FAM227A: variants seen among roughly 807,000 people sequenced by gnomAD.
The protein encoded by FAM227A is protein FAM227A.
FAM227A carries 80 observed loss-of-function variants against 74.7 expected under a neutral mutation model. That is an observed-to-expected ratio of 1.07 (90% CI 0.89 to 1.29). The LOEUF is 1.29. Among genes scored for constraint, FAM227A ranks in the 50% most tolerant of loss-of-function variants. The pLI, the probability that FAM227A is intolerant of heterozygous loss-of-function variation, is 0.00. For missense variants in FAM227A, 654 were observed against 683.4 expected (o/e 0.96, Z 0.48); for synonymous variants, 237 against 241.8 (o/e 0.98, Z 0.19).
chr22:38,629,069 C>T, intron 6 of FAM227A, 134 bp from the exon 7 acceptor site: 1 of 605,832 alleles, frequency 1.7e-6, no homozygotes, highest in African/African-American at 1.9e-5. Flanking sequence ...ATTTTACATA[C>T]TCTCATTTAA....
intron 10 of FAM227A, among the ~76,000 whole-genome samples, chr22:38,622,213 C>G (rs918860921): frequency 2.6e-5 from 4 of 152,242 alleles, no homozygotes; most frequent in Non-Finnish European, 5.9e-5. Flanking sequence ...CTGTTCTTCT[C>G]AACACACTGC....
intron 12 of FAM227A, 45 bp downstream of exon 12, chr22:38,607,344 A>C: frequency 7.0e-7 from 1 of 1,423,788 alleles, no homozygotes; most frequent in African/African-American, 1.4e-5. Flanking sequence ...TGGAGACAAT[A>C]ACTAAGCCAA....
rs1249995866 is a variant in FAM227A at position 38,585,984 on chromosome 22, G to A, written c.*141C>T. On this transcript the variant is annotated 3_prime_UTR_variant, in exon 17 of 17. Transcript: ENST00000535113. ...CACTCAGCCTAGGAAAAACTACAAC[G>A]GAATCCTTCCCCTATGGAGAAATCA... The A allele has an allele frequency of 9.2e-6, 14 of 1,516,182 alleles. No homozygotes were observed. Among genetic ancestry groups the A allele is most frequent in the East Asian group, 2.5e-5 (1 of 40,530 alleles). 93.9% of individuals were successfully genotyped at this position (1,516,182 alleles called of 1,614,324 possible).
chr22:38,629,296 A>G (rs890969226), intron 6 of FAM227A, among the ~76,000 whole-genome samples: 2 of 152,234 alleles, frequency 1.3e-5, no homozygotes. Flanking sequence ...CCACTGAACT[A>G]TAAGATTCTG....
In FAM227A at chr22:38,616,970, C is replaced by T. The variant is rs891359859; in HGVS notation, c.1038+3242G>A. On this transcript the variant is annotated intron_variant, in intron 11 of 16. Coordinates refer to ENST00000535113, the MANE Select transcript of FAM227A (RefSeq NM_001013647.2). ...AGGCTGTCTTGGTGGTGGGAAGGCA[C>T]GGGCCTTCCTGCTGACTGCTTGTGA... 9.2e-5 allele frequency among the ~76,000 whole-genome samples: 14 copies of T among 151,896 alleles called. No individual in the cohort carries two copies. The South Asian group carries it at 1.0e-3, about 11-fold the overall frequency.
At chr22:38,604,676 C>T (rs987807184) in intron 13 of FAM227A, among the ~76,000 whole-genome samples, 17 of 151,988 alleles carry the variant, frequency 1.1e-4, no homozygotes, top group Admixed American at 2.6e-4. Context: ...TTTTTTGAGA[C>T]GGAGTCAGAC....
intron 11 of FAM227A, among the ~76,000 whole-genome samples, chr22:38,616,271 G>A (rs2091573683): frequency 6.6e-6 from 1 of 152,234 alleles, no homozygotes; most frequent in Non-Finnish European, 1.5e-5. Flanking sequence ...GTCCAAGCCA[G>A]TGGGGTCCCC....
At chr22:38,628,639 C>T (rs1025412004) in intron 7 of FAM227A, among the ~76,000 whole-genome samples, 195 bp downstream of exon 7, 2 of 152,054 alleles carry the variant, frequency 1.3e-5, no homozygotes, top group Admixed American at 6.6e-5. Flanking sequence ...CTGGGGGAGC[C>T]GCAGGGCATT....
Position 38,613,177 on chromosome 22 carries a change from TTA to T in FAM227A, c.1039-5703_1039-5702del, listed in dbSNP as rs1224208770. Among the ~76,000 whole-genome samples, 13 of 81,498 alleles carry T rather than the reference TTA, an allele frequency of 1.6e-4. No homozygotes were observed. In the South Asian group the frequency reaches 4.1e-3, roughly 26 times the overall value. 53.5% of individuals were successfully genotyped at this position (81,498 alleles called of 152,430 possible). A position where few individuals can be genotyped will look rare whatever the true frequency, so the allele number is the denominator to read the frequency against. ...ATTATATATCTATGCTGTATATATA[TTA>T]TATATAATATATATATATTATATTA... On this transcript the variant is annotated intron_variant, in intron 11 of 16. Transcript: ENST00000535113.
intron 2 of FAM227A, 71 bp downstream of exon 2, chr22:38,649,956 T>C (rs2092300292): frequency 7.2e-7 from 1 of 1,392,314 alleles, no homozygotes; most frequent in South Asian, 1.3e-5. Context: ...TGAGCACTGA[T>C]TAGATCTCTG....
rs2090680309 is a variant in FAM227A, at chr22:38,578,503, A to G, written c.*7622T>C. On this transcript the variant is annotated 3_prime_UTR_variant, in exon 17 of 17. Coordinates refer to ENST00000535113, the MANE Select transcript of FAM227A (RefSeq NM_001013647.2). ...CAAGAGAGGCTTGCTATGACAGTTTATTTTACTAGCATTTATTCAACACTG... is the reference window on the plus strand; with the variant it reads ...CAAGAGAGGCTTGCTATGACAGTTTGTTTTACTAGCATTTATTCAACACTG... 2 of 152,138 alleles carry G rather than the reference A, an allele frequency of 1.3e-5. No individual in the cohort carries two copies. The highest frequency in any genetic ancestry group is 4.1e-4 in the South Asian group (2 of 4,824). The allele number at this position is 152,138 out of a possible 1,614,324, so 9.4% of individuals were successfully genotyped here. A position where few individuals can be genotyped will look rare whatever the true frequency, so the allele number is the denominator to read the frequency against.
At chr22:38,620,157 G>T in intron 11 of FAM227A, 55 bp downstream of exon 11, 2 of 1,263,318 alleles carry the variant, frequency 1.6e-6, no homozygotes, top group Non-Finnish European at 2.2e-6. Context: ...AGAACCGAGG[G>T]TTCCTGAAGC....
At chr22:38,644,840 C>G (rs9610992) in intron 3 of FAM227A, among the ~76,000 whole-genome samples, 13,725 of 152,062 alleles carry the variant, frequency 0.09, 827 homozygotes, top group East Asian at 0.17. Flanking sequence ...GTAATCCCAG[C>G]ACTTTGAGAG....
intron 3 of FAM227A, among the ~76,000 whole-genome samples, chr22:38,645,116 G>T: frequency 6.6e-6 from 1 of 151,962 alleles, no homozygotes; most frequent in Non-Finnish European, 1.5e-5. Flanking sequence ...TATTGGCCGG[G>T]CGCGGTGGCT....
rs1432055438 is a variant in FAM227A at position 38,584,613 on chromosome 22, T to G, written c.*1512A>C. On this transcript the variant is annotated 3_prime_UTR_variant, in exon 17 of 17. Coordinates refer to ENST00000535113, the MANE Select transcript of FAM227A (RefSeq NM_001013647.2). ...GATCCCATCTCTACAAAAAAATTTC[T>G]TTAAAAATTAGCCAGACATGGTGGC... is the stretch of plus-strand genomic sequence containing the variant. 1 of 151,984 alleles carries G rather than the reference T, an allele frequency of 6.6e-6. No individual in the cohort carries two copies. The highest frequency in any genetic ancestry group is 1.5e-5 in the Non-Finnish European group (1 of 68,024). 9.4% of individuals were successfully genotyped at this position (151,984 alleles called of 1,614,324 possible). A position where few individuals can be genotyped will look rare whatever the true frequency, so the allele number is the denominator to read the frequency against.
intron 2 of FAM227A, 104 bp from the exon 3 acceptor site, chr22:38,645,749 CCTT>C: frequency 1.5e-6 from 1 of 660,242 alleles, no homozygotes; most frequent in South Asian, 1.9e-5. Flanking sequence ...CAGCCTCTCT[CCTT>C]AATTATTTTC....
chr22:38,619,297 T>C (rs6001173), intron 11 of FAM227A, among the ~76,000 whole-genome samples: 53,492 of 152,020 alleles, frequency 0.35, 9,762 homozygotes, highest in East Asian at 0.47. Context: ...GTCATTTTAT[T>C]GGCTAGAAGT....
chr22:38,597,008 G>GA (rs35623128), intron 15 of FAM227A, among the ~76,000 whole-genome samples, 196 bp downstream of exon 15: 3 of 148,090 alleles, frequency 2.0e-5, no homozygotes, highest in Admixed American at 6.7e-5. Flanking sequence ...TTTGTAGTTA[G>GA]AAAAAAAAAA....
At chr22:38,639,620 G>A (rs1569233353) in intron 4 of FAM227A, 35 bp downstream of exon 4, 1 of 1,548,580 alleles carries the variant, frequency 6.5e-7, no homozygotes, top group Non-Finnish European at 8.7e-7. Context: ...CAAACCCCAT[G>A]AAAAGAGCAT....
Sources: allele counts gnomAD v4.1 joint callset (sites outside exome capture counted in the v4.1 genomes callset), GRCh38; gene constraint gnomAD v4.1.1; transcripts MANE v1.5; gene names NCBI Gene and HGNC (gene_info 2026-07-23, HGNC 2026-07-21).